STAB1: variants seen among roughly 807,000 people sequenced by gnomAD.
The protein encoded by STAB1 is stabilin-1.
Under a neutral mutation model 332.4 loss-of-function variants are expected in STAB1, and 250 were observed. The observed-to-expected ratio is 0.75, with a 90% confidence interval of 0.68 to 0.84. STAB1 has a LOEUF of 0.84. Ranked by LOEUF, STAB1 falls within the 40% of genes least tolerant of loss-of-function variation. The pLI, the probability that STAB1 is intolerant of heterozygous loss-of-function variation, is 0.00. For missense variants in STAB1, 3,249 were observed against 3,489.7 expected, an observed-to-expected ratio of 0.93 and a Z score of 1.74; for synonymous variants, 1,475 against 1,390.4, an observed-to-expected ratio of 1.06 and a Z score of -1.35.
intron 46 of STAB1, 62 bp downstream of exon 46, chr3:52,518,421 C>T: frequency 6.3e-7 from 1 of 1,589,408 alleles, no homozygotes; most frequent in Middle Eastern, 1.7e-4. Context: ...ACTTCTGTCC[C>T]CATCTGGTCA....
Position 52,510,505 on chromosome 3 carries a change from C to T in STAB1, c.2785C>T (p.Gln929Ter), listed in dbSNP as rs1211121082. 3 of 1,612,236 alleles carry T rather than the reference C, an allele frequency of 1.9e-6. No homozygotes were observed. The highest frequency in any genetic ancestry group is 1.1e-5 in the South Asian group (1 of 90,880). Residue 929 changes from glutamine to a stop codon, truncating the protein, a stop_gained and splice_region_variant, in exon 25 of 69, where the codon CAG (glutamine) becomes TAG (stop). Coordinates refer to ENST00000321725, the MANE Select transcript of STAB1 (RefSeq NM_015136.3). LOFTEE classifies it high-confidence loss of function. Reference protein sequence around the residue: ...DALCSYVGPGQSRCTCKLGFA... With the variant: ...DALCSYVGPG ...CCTCTGCAGCTATGTGGGCCCCGGG[C>T]AGGTGAGGTGCAGCAGAGAAGGGGT...
intron 23 of STAB1, 40 bp from the exon 24 acceptor site, chr3:52,510,102 C>A: frequency 1.2e-6 from 2 of 1,613,704 alleles, no homozygotes; most frequent in Non-Finnish European, 1.7e-6. Context: ...ACCTTTCATA[C>A]CTGAGGCTCA....
intron 20 of STAB1, 57 bp downstream of exon 20, chr3:52,508,083 G>C: frequency 6.4e-7 from 1 of 1,570,612 alleles, no homozygotes; most frequent in South Asian, 1.2e-5. Flanking sequence ...CTGTTCCTCG[G>C]GGGCCCCCAA....
intron 21 of STAB1, chr3:52,508,683 G>A (rs1709066203): frequency 2.8e-6 from 1 of 355,444 alleles, no homozygotes; most frequent in Non-Finnish European, 5.5e-6. Context: ...TTAGCCTGGT[G>A]TTATGGCACA....
Position 52,514,828 on chromosome 3 carries a change from G to C in STAB1, c.3806G>C (p.Arg1269Pro). ...CTGCATAGCCACGCTGAGGCCCTGC[G>C]GGTGAGAGGCTGGGGCCACAGGAAG... ...RCLHSHAEAL[R>P]EKCVNCTRRF... The change falls in exon 35 of 69, where the codon CGG becomes CCG. Residue 1269 changes from arginine to proline, a missense_variant and splice_region_variant. Transcript: ENST00000321725. The C allele has an allele frequency of 6.2e-7, 1 of 1,612,878 alleles. No individual in the cohort carries two copies. Among genetic ancestry groups the C allele is most frequent in the Non-Finnish European group, 8.5e-7 (1 of 1,179,992 alleles).
intron 1 of STAB1, among the ~76,000 whole-genome samples, chr3:52,496,492 G>A (rs929153628): frequency 6.6e-6 from 1 of 152,210 alleles, no homozygotes; most frequent in East Asian, 1.9e-4. Flanking sequence ...GCTTTCTCTT[G>A]GATGCCTGTG....
rs1486221182 is a variant in STAB1, at chr3:52,514,128, T to G, written c.3461T>G (p.Val1154Gly). Reference protein sequence around the residue: ...FRELLQHHGLVPQIEAATAYT... With the variant: ...FRELLQHHGLGPQIEAATAYT... Reference sequence around the variant, plus strand: ...CCCCATCCCTAGCACCATGGGTTGGTGCCCCAGATTGAGGCTGCCACTGCC... The same window carrying G: ...CCCCATCCCTAGCACCATGGGTTGGGGCCCCAGATTGAGGCTGCCACTGCC... Residue 1154 changes from valine to glycine, a missense_variant, in exon 33 of 69, where the codon GTG becomes GGG. Physicochemically the swap from Val to Gly is moderately radical, Grantham distance 109. Transcript: ENST00000321725. The G allele has an allele frequency of 6.2e-7, 1 of 1,613,328 alleles. No homozygotes were observed. Among genetic ancestry groups the G allele is most frequent in the Non-Finnish European group, 8.5e-7 (1 of 1,179,956 alleles).
At chr3:52,517,158 T>C (rs918557433) in intron 42 of STAB1, 49 bp downstream of exon 42, 17 of 1,514,002 alleles carry the variant, frequency 1.1e-5, no homozygotes, top group Non-Finnish European at 1.4e-5. Flanking sequence ...GGGGTCTGGC[T>C]TCAGTGATCT....
intron 43 of STAB1, 45 bp downstream of exon 43, chr3:52,517,438 A>C: frequency 6.4e-7 from 1 of 1,570,928 alleles, no homozygotes; most frequent in African/African-American, 1.4e-5. Context: ...CCATGCCCTC[A>C]CAGGATGGGG....
Position 52,504,814 on chromosome 3 carries a change from C to T in STAB1, c.1315C>T (p.Gln439Ter), listed in dbSNP as rs2153233124. 1 of 1,613,854 alleles carries T rather than the reference C, an allele frequency of 6.2e-7. No homozygotes were observed. Among genetic ancestry groups the T allele is most frequent in the South Asian group, 1.1e-5 (1 of 91,086 alleles). The stretch of plus-strand genomic sequence containing the variant: ...CATCCTGGAGGACACAAGGACCCAA[C>T]AAACACGAAGGTGGTGGACGCTGGC... ...QHILEDTRTQ[Q>*]TRRWWTLAGQ... Residue 439 changes from glutamine (Q) to a stop codon, truncating the protein, a stop_gained, in exon 12 of 69, where the codon CAA becomes TAA. Transcript: ENST00000321725. LOFTEE classifies it high-confidence loss of function.
In STAB1 at chr3:52,501,890, C is replaced by A; in HGVS notation, c.332-116C>A. ...CTCACCGAGCGCCTCCAAGGCTCGG[C>A]CCCCTTGCTCTTGCTTCCTTGGGGG... On this transcript the variant is annotated intron_variant, in intron 3 of 68. Transcript: ENST00000321725. 3 of 1,432,232 alleles carry A rather than the reference C, an allele frequency of 2.1e-6. No homozygotes were observed. The South Asian group carries it at 3.6e-5, about 17-fold the overall frequency. 88.7% of individuals were successfully genotyped at this position (1,432,232 alleles called of 1,614,324 possible).
intron 54 of STAB1, 21 bp downstream of exon 54, chr3:52,520,719 T>C (rs147428795): frequency 0.047 from 18,233 of 389,212 alleles, 154 homozygotes; most frequent in Non-Finnish European, 0.053. Flanking sequence ...AGGGGCTGAG[T>C]GGGGGTGGTG....
At chr3:52,496,319 G>A (rs895014484) in intron 1 of STAB1, among the ~76,000 whole-genome samples, 5 of 152,196 alleles carry the variant, frequency 3.3e-5, no homozygotes, top group Admixed American at 2.0e-4. Context: ...CCTGGTGATG[G>A]GGGTAGTCTC....
Position 52,516,985 on chromosome 3 carries a change from G to A in STAB1, c.4365G>A (p.Glu1455=). The change falls in exon 42 of 69, where the codon GAG becomes GAA. Residue 1455 remains glutamate (E), a splice_region_variant and synonymous_variant. Coordinates refer to ENST00000321725, the MANE Select transcript of STAB1 (RefSeq NM_015136.3). ...GYSGNGIFCS[E]VDPCAHGHGG... ...GACTCTCTGGCCATCTCCCCTTAGA[G>A]GTGGACCCCTGCGCCCACGGCCATG... The A allele has an allele frequency of 6.2e-7, 1 of 1,610,602 alleles. No homozygotes were observed. The highest frequency in any genetic ancestry group is 8.5e-7 in the Non-Finnish European group (1 of 1,179,206).
At chr3:52,515,530 A>G in intron 37 of STAB1, 24 bp downstream of exon 37, 1 of 1,610,402 alleles carries the variant, frequency 6.2e-7, no homozygotes, top group Non-Finnish European at 8.5e-7. Context: ...CCCCCACCCC[A>G]AGCCTGTCCA....
intron 1 of STAB1, among the ~76,000 whole-genome samples, chr3:52,499,544 T>A (rs1362068928): frequency 6.6e-6 from 1 of 152,236 alleles, no homozygotes; most frequent in African/African-American, 2.4e-5. Flanking sequence ...TGATGGCCTC[T>A]TTCCCACCAC....
At position 52,507,408 on chromosome 3, in the gene STAB1, C is replaced by T. The variant is rs41292370; in HGVS notation, c.1990-205C>T. ...TCACTCACTCTGTGCCTGCCTCTGG[C>T]CTCTCTGCTGTTTTCCAGAGACTCT... On this transcript the variant is annotated intron_variant, in intron 18 of 68. Coordinates refer to ENST00000321725, the MANE Select transcript of STAB1 (RefSeq NM_015136.3). Among the ~76,000 whole-genome samples the T allele has an allele frequency of 3.9e-3, 595 of 152,346 alleles. 3 individuals are homozygous for T. Among genetic ancestry groups the T allele is most frequent in the South Asian group, 0.023 (111 of 4,834 alleles).
At chr3:52,519,787 C>T (rs1178600383) in intron 50 of STAB1, 157 bp from the exon 51 acceptor site, 17 of 1,160,770 alleles carry the variant, frequency 1.5e-5, no homozygotes, top group Non-Finnish European at 2.0e-5. Flanking sequence ...GCAGTGTGCA[C>T]AGTTGAGATG....
chr3:52,521,677 G>T lies in STAB1; in HGVS notation c.6140G>T (p.Gly2047Val). The part of the protein sequence containing the change: ...GSCFCDEGWT[G>V]PRCEVQLELQ... ...TGCTTCTGTGATGAAGGCTGGACTGGGCCACGCTGTGAGGTGCAACTGGGT... is the reference window on the plus strand; with the variant it reads ...TGCTTCTGTGATGAAGGCTGGACTGTGCCACGCTGTGAGGTGCAACTGGGT... The change falls in exon 57 of 69, where the codon GGG becomes GTG. Residue 2047 changes from glycine (G) to valine (V), a missense_variant. Transcript: ENST00000321725. 3 of 1,612,906 alleles carry T rather than the reference G, an allele frequency of 1.9e-6. No individual in the cohort carries two copies. The highest frequency in any genetic ancestry group is 2.5e-6 in the Non-Finnish European group (3 of 1,179,874).
Sources: allele counts gnomAD v4.1 joint callset (sites outside exome capture counted in the v4.1 genomes callset), GRCh38; gene constraint gnomAD v4.1.1; transcripts MANE v1.5; gene names NCBI Gene and HGNC (gene_info 2026-07-23, HGNC 2026-07-21).